The following PPARGC1A variants were observed in gnomAD, a reference collection of about 807,000 sequenced individuals.
PPARGC1A encodes peroxisome proliferator-activated receptor gamma coactivator 1-alpha.
A neutral mutation model predicts 88.7 loss-of-function variants in PPARGC1A; 25 were observed. The observed-to-expected ratio is 0.28, with a 90% confidence interval of 0.21 to 0.39. The LOEUF is 0.39. Among genes scored for constraint, PPARGC1A ranks in the 10% least tolerant of loss-of-function variants. The pLI, the probability that PPARGC1A is intolerant of heterozygous loss-of-function variation, is 1.00. For missense variants in PPARGC1A, 880 were observed against 968.7 expected (o/e 0.91, Z 1.22); for synonymous variants, 363 against 355.6 (o/e 1.02, Z -0.24).
the PPARGC1A span, among the ~76,000 whole-genome samples, chr4:24,105,178 G>A: frequency 6.6e-6 from 1 of 152,330 alleles, no homozygotes; most frequent in East Asian, 1.9e-4. Context: ...GTGAAGGTAA[G>A]ATAGTGTGGA....
At chr4:24,199,697 T>G in the PPARGC1A span, among the ~76,000 whole-genome samples, 14 of 152,162 alleles carry the variant, frequency 9.2e-5, no homozygotes, top group African/African-American at 3.1e-4. Context: ...AACAAAAGTG[T>G]AAGGCTCTGA....
At chr4:23,987,873 G>T in the PPARGC1A span, among the ~76,000 whole-genome samples, 2 of 151,860 alleles carry the variant, frequency 1.3e-5, no homozygotes, top group South Asian at 4.2e-4. Context: ...ACCTGCCACG[G>T]TGGTTTGCTG....
At chr4:23,972,596 G>C in the PPARGC1A span, among the ~76,000 whole-genome samples, 1 of 152,078 alleles carries the variant, frequency 6.6e-6, no homozygotes, top group Admixed American at 6.6e-5. Context: ...AAAAATCAAG[G>C]ACCTATGAGA....
the PPARGC1A span, among the ~76,000 whole-genome samples, chr4:24,196,381 G>A: frequency 1.3e-5 from 2 of 152,200 alleles, no homozygotes; most frequent in African/African-American, 4.8e-5. Context: ...CCAAAGGCTT[G>A]GCAATTATTT....
At chr4:23,873,969 A>G (rs890395481) in intron 2 of PPARGC1A, among the ~76,000 whole-genome samples, 3 of 152,162 alleles carry the variant, frequency 2.0e-5, no homozygotes, top group Non-Finnish European at 4.4e-5. Flanking sequence ...GAGGGGAGAA[A>G]AGGAACCCAT....
the PPARGC1A span, among the ~76,000 whole-genome samples, chr4:24,376,855 C>T: frequency 6.6e-6 from 1 of 152,096 alleles, no homozygotes; most frequent in Non-Finnish European, 1.5e-5. Flanking sequence ...TAAGGATACC[C>T]CTTTCAAGGA....
chr4:24,364,458 A>G, the PPARGC1A span, among the ~76,000 whole-genome samples: 2 of 152,086 alleles, frequency 1.3e-5, no homozygotes, highest in Admixed American at 1.3e-4. Flanking sequence ...CCCTGGGCCC[A>G]CCTCCAATCT....
the PPARGC1A span, among the ~76,000 whole-genome samples, chr4:24,071,334 C>G: frequency 6.6e-6 from 1 of 152,250 alleles, no homozygotes; most frequent in Admixed American, 6.5e-5. Context: ...ACTCTGTTTC[C>G]TCATCTAATG....
chr4:24,114,029 C>T, the PPARGC1A span, among the ~76,000 whole-genome samples: 1 of 146,670 alleles, frequency 6.8e-6, no homozygotes, highest in East Asian at 2.1e-4. Flanking sequence ...GAGGCTGAGG[C>T]AGGAGAATCT....
the PPARGC1A span, among the ~76,000 whole-genome samples, chr4:24,214,116 C>T: frequency 6.6e-6 from 1 of 152,178 alleles, no homozygotes; most frequent in Non-Finnish European, 1.5e-5. Flanking sequence ...AGGATTTGCG[C>T]TTGTTGTTTG....
chr4:23,889,037 G>T (rs1293805506), intron 1 of PPARGC1A: 2 of 985,186 alleles, frequency 2.0e-6, no homozygotes, highest in Admixed American at 6.2e-5. Context: ...GAGGTCCTCC[G>T]TCCCCCCACT....
chr4:24,275,061 C>G, the PPARGC1A span, among the ~76,000 whole-genome samples: 1 of 152,328 alleles, frequency 6.6e-6, no homozygotes, highest in Admixed American at 6.5e-5. Context: ...CTTTCTACAA[C>G]CCGGATTCTT....
chr4:23,981,803 G>A, the PPARGC1A span, among the ~76,000 whole-genome samples: 1 of 152,136 alleles, frequency 6.6e-6, no homozygotes, highest in Non-Finnish European at 1.5e-5. Flanking sequence ...ATCACAAAGC[G>A]ATCTTTAGTA....
chr4:24,333,341 A>G, the PPARGC1A span, among the ~76,000 whole-genome samples: 1 of 152,108 alleles, frequency 6.6e-6, no homozygotes, highest in East Asian at 1.9e-4. Flanking sequence ...ACTTTTAAAA[A>G]TTTTTTAATC....
chr4:24,123,973 A>G, the PPARGC1A span, among the ~76,000 whole-genome samples: 1 of 151,612 alleles, frequency 6.6e-6, no homozygotes, highest in African/African-American at 2.4e-5. Context: ...TAAAAAGTTT[A>G]CTGGAGCAAA....
At chr4:24,356,712 T>C in the PPARGC1A span, among the ~76,000 whole-genome samples, 1 of 152,212 alleles carries the variant, frequency 6.6e-6, no homozygotes, top group African/African-American at 2.4e-5. Flanking sequence ...TAATAGCTAC[T>C]CTGGCTGGCT....
chr4:24,330,404 G>T, the PPARGC1A span, among the ~76,000 whole-genome samples: 2 of 152,186 alleles, frequency 1.3e-5, no homozygotes, highest in African/African-American at 2.4e-5. Flanking sequence ...AACTCGAGCT[G>T]GTTGCAGGGA....
chr4:24,434,649 C>T, the PPARGC1A span, among the ~76,000 whole-genome samples: 1 of 152,180 alleles, frequency 6.6e-6, no homozygotes, highest in African/African-American at 2.4e-5. Flanking sequence ...GAATAAGTGG[C>T]CCCTTTCCAC....
chr4:23,871,427 T>A (rs1434126979), intron 2 of PPARGC1A, among the ~76,000 whole-genome samples: 1 of 152,220 alleles, frequency 6.6e-6, no homozygotes, highest in East Asian at 1.9e-4. Context: ...TCACTTATCC[T>A]ATATGGCATT....
Sources: allele counts gnomAD v4.1 joint callset (sites outside exome capture counted in the v4.1 genomes callset), GRCh38; gene constraint gnomAD v4.1.1; transcripts MANE v1.5; gene names NCBI Gene and HGNC (gene_info 2026-07-23, HGNC 2026-07-21).